PTPRT: variants seen among roughly 807,000 people sequenced by gnomAD.
The protein encoded by PTPRT is protein tyrosine phosphatase receptor type T.
PTPRT carries 56 observed loss-of-function variants against 176.8 expected under a neutral mutation model. The observed-to-expected ratio is 0.32, with a 90% CI of 0.26 to 0.40. PTPRT has a LOEUF of 0.40. Among genes scored for constraint, PTPRT ranks in the 10% least tolerant of loss-of-function variants. PTPRT has a pLI of 1.00. For synonymous variants in PTPRT, 783 were observed against 739.0 expected (o/e 1.06, Z -0.96); for missense variants, 1,540 against 1,908.2 (o/e 0.81, Z 3.60).
chr20:42,143,590 C>CA (rs908583294), intron 17 of PTPRT, among the ~76,000 whole-genome samples: 2 of 151,750 alleles, frequency 1.3e-5, no homozygotes, highest in Admixed American at 6.6e-5. Context: ...GGCAGTACTC[C>CA]AGGCAACACA....
At chr20:42,734,737 A>C (rs180871411) in intron 6 of PTPRT, among the ~76,000 whole-genome samples, 1 of 152,320 alleles carries the variant, frequency 6.6e-6, no homozygotes, top group Non-Finnish European at 1.5e-5. Context: ...GTTTGAATCT[A>C]TTCCCTATGC....
chr20:42,624,961 A>G (rs1006110152), intron 7 of PTPRT, among the ~76,000 whole-genome samples: 2 of 152,150 alleles, frequency 1.3e-5, no homozygotes, highest in Non-Finnish European at 2.9e-5. Context: ...TCAAGTTCCA[A>G]ATTTGGCTTG....
At chr20:42,930,330 T>C (rs1166783347) in intron 1 of PTPRT, among the ~76,000 whole-genome samples, 1 of 152,146 alleles carries the variant, frequency 6.6e-6, no homozygotes. Flanking sequence ...TTCAGAAGAT[T>C]TGGGCCCCTG....
At chr20:42,094,045 T>G (rs1167978693) in intron 27 of PTPRT, among the ~76,000 whole-genome samples, 1 of 152,244 alleles carries the variant, frequency 6.6e-6, no homozygotes, top group African/African-American at 2.4e-5. Flanking sequence ...GAAAGATTCT[T>G]CATTCACCCA....
At chr20:42,625,117 G>A (rs2074266236) in intron 7 of PTPRT, among the ~76,000 whole-genome samples, 1 of 152,134 alleles carries the variant, frequency 6.6e-6, no homozygotes, top group Admixed American at 6.5e-5. Flanking sequence ...CAGAATCAGT[G>A]GTCTGCAACT....
chr20:42,143,552 G>C (rs1395778140), intron 17 of PTPRT, among the ~76,000 whole-genome samples: 1 of 129,904 alleles, frequency 7.7e-6, no homozygotes, highest in Non-Finnish European at 1.6e-5. Flanking sequence ...GCGAGACTCT[G>C]TTTCAAAAAA....
At chr20:42,323,437 A>T (rs2057833828) in intron 11 of PTPRT, among the ~76,000 whole-genome samples, 2 of 152,332 alleles carry the variant, frequency 1.3e-5, no homozygotes, top group South Asian at 4.1e-4. Flanking sequence ...GCCATAAAAA[A>T]TGATGAGTTC....
chr20:42,115,949 C>G (rs1212608898), intron 21 of PTPRT: 1 of 693,912 alleles, frequency 1.4e-6, no homozygotes, highest in African/African-American at 1.8e-5. Flanking sequence ...TGGACGCGAG[C>G]AAGCCATTCC....
chr20:42,556,836 C>G (rs2072869715), intron 7 of PTPRT, among the ~76,000 whole-genome samples: 1 of 152,256 alleles, frequency 6.6e-6, no homozygotes, highest in Middle Eastern at 3.4e-3. Context: ...AGTGACATTG[C>G]TGGTGCCCAG....
intron 1 of PTPRT, among the ~76,000 whole-genome samples, chr20:42,927,628 A>C (rs964053832): frequency 6.6e-6 from 1 of 152,032 alleles, no homozygotes; most frequent in Non-Finnish European, 1.5e-5. Context: ...GAAAAAAGGA[A>C]AGGGAGCTAC....
intron 14 of PTPRT, among the ~76,000 whole-genome samples, chr20:42,248,304 C>T (rs1273473447): frequency 6.6e-6 from 1 of 152,206 alleles, no homozygotes; most frequent in African/African-American, 2.4e-5. Flanking sequence ...CATTACTTTC[C>T]TGCAACTGCG....
rs963719620 is a variant in PTPRT at position 42,917,429 on chromosome 20, T to C, written c.89-31497A>G. 6.6e-4 allele frequency among the ~76,000 whole-genome samples: 100 copies of C among 152,304 alleles called. 1 individual carries two copies. The highest frequency in any genetic ancestry group is 2.4e-3 in the African/African-American group (98 of 41,582). On this transcript the variant is annotated intron_variant, in intron 1 of 30. Transcript: ENST00000373187. ...CAGCTTTGTTCTTTTGGCTTAGGAT[T>C]GACTTGGCGATGCGGGCTCTTTTTT...
intron 16 of PTPRT, among the ~76,000 whole-genome samples, chr20:42,188,304 G>T (rs573985426): frequency 2.0e-5 from 3 of 152,240 alleles, no homozygotes; most frequent in African/African-American, 7.2e-5. Context: ...AGAAGAAATG[G>T]CTGGGGAGGA....
At chr20:42,807,542 C>G (rs2077629104) in intron 2 of PTPRT, among the ~76,000 whole-genome samples, 1 of 152,100 alleles carries the variant, frequency 6.6e-6, no homozygotes, top group Non-Finnish European at 1.5e-5. Context: ...TTATCTACTT[C>G]TTGGGATTTT....
chr20:42,867,175 C>A (rs1251324106), intron 2 of PTPRT, among the ~76,000 whole-genome samples: 1 of 152,146 alleles, frequency 6.6e-6, no homozygotes, highest in Non-Finnish European at 1.5e-5. Flanking sequence ...GTACAAGGTG[C>A]TTTGTATGTG....
At chr20:42,584,300 T>G (rs1181998886) in intron 7 of PTPRT, among the ~76,000 whole-genome samples, 1 of 152,182 alleles carries the variant, frequency 6.6e-6, no homozygotes, top group African/African-American at 2.4e-5. Flanking sequence ...CACTATTCTC[T>G]TTGATCTCAT....
chr20:42,451,627 T>G (rs1056262334), intron 8 of PTPRT, among the ~76,000 whole-genome samples: 1 of 152,066 alleles, frequency 6.6e-6, no homozygotes, highest in African/African-American at 2.4e-5. Flanking sequence ...ACCAGGAAGG[T>G]AAGCCGTCAT....
At chr20:42,827,982 G>C (rs1383219437) in intron 2 of PTPRT, among the ~76,000 whole-genome samples, 1 of 152,188 alleles carries the variant, frequency 6.6e-6, no homozygotes, top group Admixed American at 6.5e-5. Context: ...TTTGATACCA[G>C]TAGAGTAGGG....
At chr20:42,242,208 C>T (rs1414154579) in intron 14 of PTPRT, among the ~76,000 whole-genome samples, 1 of 152,172 alleles carries the variant, frequency 6.6e-6, no homozygotes, top group Non-Finnish European at 1.5e-5. Context: ...CCTTGCCACC[C>T]TCCTACCACA....
Sources: allele counts gnomAD v4.1 joint callset (sites outside exome capture counted in the v4.1 genomes callset), GRCh38; gene constraint gnomAD v4.1.1; transcripts MANE v1.5; gene names NCBI Gene and HGNC (gene_info 2026-07-23, HGNC 2026-07-21).